Variants in MCM5 observed in about 807,000 individuals in gnomAD.
MCM5 encodes the protein minichromosome maintenance complex component 5.
In MCM5, 46 loss-of-function variants were observed where a neutral mutation model predicts 79.9. The observed-to-expected ratio is 0.58, with a 90% CI of 0.45 to 0.74. The LOEUF is 0.74. MCM5 is among the 30% of genes least tolerant of loss of function. The pLI is 0.00. For synonymous variants in MCM5, 404 were observed against 390.5 expected, an observed-to-expected ratio of 1.03 and a Z score of -0.41; for missense variants, 883 against 1,017.0, an observed-to-expected ratio of 0.87 and a Z score of 1.79.
At chr22:35,437,406 G>T in the MCM5 span, among the ~76,000 whole-genome samples, 1 of 152,178 alleles carries the variant, frequency 6.6e-6, no homozygotes, top group African/African-American at 2.4e-5. Context: ...GGGTGGGCCA[G>T]CAGCCATCAT....
intron 13 of MCM5, among the ~76,000 whole-genome samples, chr22:35,418,402 G>A (rs996600244): frequency 1.3e-5 from 2 of 152,154 alleles, no homozygotes; most frequent in Non-Finnish European, 2.9e-5. Flanking sequence ...GGCTCACGCT[G>A]TAATCCCAGC....
chr22:35,420,739 T>A (rs1415580726), intron 14 of MCM5, among the ~76,000 whole-genome samples: 2 of 152,202 alleles, frequency 1.3e-5, no homozygotes, highest in African/African-American at 4.8e-5. Flanking sequence ...ATGCTTGGAC[T>A]TACAACTTAC....
At chr22:35,433,228 G>A in the MCM5 span, among the ~76,000 whole-genome samples, 1 of 152,166 alleles carries the variant, frequency 6.6e-6, no homozygotes, top group South Asian at 2.1e-4. Flanking sequence ...GAGCCACTGG[G>A]CCTGGCCCCT....
intron 10 of MCM5, 76 bp downstream of exon 10, chr22:35,416,048 G>A (rs1158378808): frequency 6.5e-7 from 1 of 1,543,094 alleles, no homozygotes; most frequent in Non-Finnish European, 8.9e-7. Context: ...TCAGCCAGCA[G>A]AAATCACCTC....
chr22:35,402,054 C>T (rs4645743), intron 2 of MCM5, among the ~76,000 whole-genome samples: 10,635 of 152,138 alleles, frequency 0.07, 445 homozygotes, highest in East Asian at 0.14. Flanking sequence ...ACAGCCTGTG[C>T]GTTGGTCAGT....
chr22:35,416,865 T>C (rs1932560159), intron 12 of MCM5, 51 bp downstream of exon 12: 1 of 1,584,830 alleles, frequency 6.3e-7, no homozygotes, highest in African/African-American at 1.3e-5. Flanking sequence ...CCAGGCAGGC[T>C]TGTGATTGTG....
chr22:35,409,226 G>A (rs577069862), intron 6 of MCM5, among the ~76,000 whole-genome samples: 1 of 152,170 alleles, frequency 6.6e-6, no homozygotes, highest in South Asian at 2.1e-4. Context: ...GCCTCCCAGA[G>A]TGCGTGGATT....
chr22:35,425,460 G>A (rs1601766118), downstream of MCM5: 1 of 152,300 alleles, frequency 6.6e-6, no homozygotes, highest in South Asian at 2.1e-4. Flanking sequence ...AATCACAAAT[G>A]TATTTTTGTG....
the MCM5 span, among the ~76,000 whole-genome samples, chr22:35,442,939 C>T: frequency 2.0e-5 from 3 of 152,214 alleles, no homozygotes; most frequent in South Asian, 4.1e-4. Context: ...AGTGAGGGTA[C>T]GTGTCCTTGG....
chr22:35,412,792 C>A (rs941260292), intron 8 of MCM5, 111 bp downstream of exon 8: 1 of 967,398 alleles, frequency 1.0e-6, no homozygotes, highest in African/African-American at 1.7e-5. Context: ...TTCCTGGGCC[C>A]CTCAGTCTGC....
intron 2 of MCM5, among the ~76,000 whole-genome samples, chr22:35,400,900 A>G (rs2145779896): frequency 6.6e-6 from 1 of 152,140 alleles, no homozygotes; most frequent in East Asian, 1.9e-4. Context: ...GCTCACTGCA[A>G]CCTCCGCTTC....
rs1197733092 is a variant in MCM5 at position 35,408,482 on chromosome 22, T to C, written c.671T>C (p.Phe224Ser). The C allele has an allele frequency of 1.9e-6, 3 of 1,614,242 alleles. No homozygotes were observed. The highest frequency in any genetic ancestry group is 4.5e-5 in the East Asian group (2 of 44,884). The change falls in exon 6 of 17, where the codon TTC becomes TCC. Residue 224 changes from phenylalanine (F) to serine (S), a missense_variant. Around this residue, in one of 3 missense-constraint regions of MCM5, gnomAD observed 455 missense variants for 517.5 expected, o/e 0.88. Transcript: ENST00000216122. ...CCCGACAAATGCAAATGCGTGGACT[T>C]CCAGACCCTGAAGCTGCAGGAGCTG... ...IMPDKCKCVD[F>S]QTLKLQELPD...
rs781462093 is a variant in MCM5 at position 35,400,540 on chromosome 22, C to T, written c.102C>T (p.Arg34=). 1 of 1,614,058 alleles carries T rather than the reference C, an allele frequency of 6.2e-7. No individual in the cohort carries two copies. Among genetic ancestry groups the T allele is most frequent in the Non-Finnish European group, 8.5e-7 (1 of 1,179,982 alleles). The stretch of plus-strand genomic sequence containing the variant: ...CCCGCAAATCGCAGCTGCAGAGGCG[C>T]TTCAAGGAGTTCCTGCGGCAGTACC... ...GQARKSQLQR[R]FKEFLRQYRV... The change falls in exon 2 of 17, where the codon CGC becomes CGT. Residue 34 remains arginine, a synonymous_variant. Coordinates refer to ENST00000216122, the MANE Select transcript of MCM5 (RefSeq NM_006739.4).
intron 7 of MCM5, 44 bp downstream of exon 7, chr22:35,410,954 G>T (rs566392235): frequency 3.9e-6 from 6 of 1,530,488 alleles, no homozygotes; most frequent in Non-Finnish European, 5.3e-6. Flanking sequence ...CTAAAAGGCT[G>T]TGCTTGCATA....
chr22:35,438,351 T>C, the MCM5 span, among the ~76,000 whole-genome samples: 34 of 63,256 alleles, frequency 5.4e-4, no homozygotes, highest in African/African-American at 7.1e-4. Flanking sequence ...ATCCATCCAC[T>C]CACCCACCCA....
At chr22:35,445,196 G>A in the MCM5 span, among the ~76,000 whole-genome samples, 1 of 152,180 alleles carries the variant, frequency 6.6e-6, no homozygotes, top group Non-Finnish European at 1.5e-5. Flanking sequence ...GGGAATAAGC[G>A]TGACCTCACA....
downstream of MCM5, among the ~76,000 whole-genome samples, chr22:35,427,364 T>C (rs771549989): frequency 1.5e-3 from 226 of 152,308 alleles, 1 homozygote; most frequent in Non-Finnish European, 1.1e-3. Context: ...ATTACAAAAA[T>C]GTTGAATTTC....
the MCM5 span, among the ~76,000 whole-genome samples, chr22:35,438,504 CATCCATCT>C: frequency 2.0e-5 from 3 of 149,364 alleles, no homozygotes; most frequent in African/African-American, 7.4e-5. Context: ...TCCATCCATC[CATCCATCT>C]ATGCATCCAT....
At chr22:35,410,598 G>A (rs371490807) in intron 6 of MCM5, 146 bp from the exon 7 acceptor site, 50 of 766,582 alleles carry the variant, frequency 6.5e-5, no homozygotes, top group South Asian at 4.0e-4. Context: ...TCTGGGCTCC[G>A]TGGGGCTGGA....
Sources: gnomAD v4.1 joint callset for allele counts (sites outside exome capture counted in the v4.1 genomes callset) on GRCh38, gnomAD v4.1.1 for gene constraint, gnomAD v4.1.1 regional missense constraint, MANE v1.5 for transcripts, NCBI Gene and HGNC (gene_info 2026-07-23, HGNC 2026-07-21) for gene names.